Variants in TPST2 observed in about 807,000 individuals in gnomAD.
The protein encoded by TPST2 is tyrosylprotein sulfotransferase 2.
TPST2 carries 16 observed loss-of-function variants against 27.8 expected under a neutral mutation model. The observed-to-expected ratio is 0.58, with a 90% CI of 0.39 to 0.88. The LOEUF (loss-of-function observed/expected upper bound fraction) is 0.88. Among genes scored for constraint, TPST2 ranks in the 40% least tolerant of loss-of-function variants. The pLI is 0.00. For synonymous variants in TPST2, 229 were observed against 231.7 expected, an observed-to-expected ratio of 0.99 and a Z score of 0.10; for missense variants, 464 against 543.1, an observed-to-expected ratio of 0.85 and a Z score of 1.45.
chr22:26,568,472 A>G (rs1387823079), intron 1 of TPST2, among the ~76,000 whole-genome samples: 1 of 152,088 alleles, frequency 6.6e-6, no homozygotes, highest in East Asian at 1.9e-4. Context: ...GGTCGTAAAG[A>G]CCCCATTAAT....
At chr22:26,585,366 T>G (rs1420732958) in intron 1 of TPST2, among the ~76,000 whole-genome samples, 2 of 152,060 alleles carry the variant, frequency 1.3e-5, no homozygotes, top group Non-Finnish European at 2.9e-5. Flanking sequence ...TCTGAGGTCC[T>G]TCCCTGCAAT....
intron 3 of TPST2, among the ~76,000 whole-genome samples, chr22:26,539,763 T>C (rs558517632): frequency 6.6e-6 from 1 of 152,016 alleles, no homozygotes; most frequent in Non-Finnish European, 1.5e-5. Flanking sequence ...AGTGAAACCC[T>C]GTCTCAAAAA....
intron 5 of TPST2, among the ~76,000 whole-genome samples, chr22:26,529,520 G>A (rs908262495): frequency 6.6e-6 from 1 of 152,152 alleles, no homozygotes; most frequent in African/African-American, 2.4e-5. Flanking sequence ...CTAGGAGCTG[G>A]AGATTGGGCA....
chr22:26,577,507 C>T (rs912896601), intron 1 of TPST2, among the ~76,000 whole-genome samples: 5 of 151,738 alleles, frequency 3.3e-5, no homozygotes, highest in Admixed American at 2.6e-4. Context: ...GCCACCATGC[C>T]CAGCTAATTT....
Position 26,540,937 on chromosome 22 carries a change from TCTC to T in TPST2, c.691_693del (p.Glu231del), listed in dbSNP as rs1412009345. ...TGCTCGTAGTACACAGGCAGGCACT[TCTC>T]CTTGCCTACCTCCATGCACTGGGCG... On this transcript the variant is annotated inframe_deletion, in exon 3 of 7. Coordinates refer to ENST00000338754, the MANE Select transcript of TPST2 (RefSeq NM_003595.5). 1.4e-5 allele frequency: 22 copies of T among 1,613,666 alleles called. No homozygotes were observed. The highest frequency in any genetic ancestry group is 1.6e-4 in the Middle Eastern group (1 of 6,062).
intron 1 of TPST2, among the ~76,000 whole-genome samples, chr22:26,559,552 A>AC (rs1014537957): frequency 1.3e-5 from 2 of 151,810 alleles, no homozygotes; most frequent in Non-Finnish European, 2.9e-5. Context: ...TCAAACTGTA[A>AC]CCCCCTTCTC....
At chr22:26,538,620 G>A (rs893981064) in intron 3 of TPST2, among the ~76,000 whole-genome samples, 3 of 152,194 alleles carry the variant, frequency 2.0e-5, no homozygotes, top group East Asian at 1.9e-4. Context: ...TCACGAGTTC[G>A]AGACCAGCCT....
At chr22:26,550,510 A>G in intron 1 of TPST2, 2 of 876,846 alleles carry the variant, frequency 2.3e-6, no homozygotes, top group Non-Finnish European at 2.7e-6. Context: ...TTCCCAAGAG[A>G]AAAGCGGCAG....
chr22:26,549,827 G>A lies in TPST2; in HGVS notation c.-160-5152C>T, dbSNP rs530892038. The stretch of plus-strand genomic sequence containing the variant: ...AGGTGGATCACGAAGTCAGGAGATC[G>A]AGACCATCCTGGCTAACACGGTGAA... On this transcript the variant is annotated intron_variant, in intron 1 of 6. Coordinates refer to ENST00000338754, the MANE Select transcript of TPST2 (RefSeq NM_003595.5). Among the ~76,000 whole-genome samples the A allele has an allele frequency of 2.3e-3, 330 of 145,962 alleles. 2 individuals carry two copies. Among genetic ancestry groups the A allele is most frequent in the African/African-American group, 7.7e-3 (304 of 39,280 alleles).
At chr22:26,578,288 G>A (rs575257960) in intron 1 of TPST2, among the ~76,000 whole-genome samples, 1 of 152,274 alleles carries the variant, frequency 6.6e-6, no homozygotes, top group South Asian at 2.1e-4. Context: ...GCGCCCGTGT[G>A]CTTCGTCTGC....
intron 1 of TPST2, among the ~76,000 whole-genome samples, chr22:26,589,726 C>G (rs1050159097): frequency 1.3e-5 from 2 of 152,200 alleles, no homozygotes; most frequent in Non-Finnish European, 2.9e-5. Context: ...GCCCTCCCCC[C>G]CAGTCCCCCC....
chr22:26,553,662 GT>G (rs1926620148), intron 1 of TPST2, among the ~76,000 whole-genome samples: 1 of 135,288 alleles, frequency 7.4e-6, no homozygotes, highest in African/African-American at 2.8e-5. Context: ...CTGGCTGGCA[GT>G]TTTATATACA....
intron 1 of TPST2, among the ~76,000 whole-genome samples, chr22:26,544,932 G>A (rs973216767): frequency 3.9e-5 from 6 of 152,282 alleles, no homozygotes; most frequent in East Asian, 3.9e-4. Context: ...CTAAGGCGCC[G>A]CTGCCTTAGG....
intron 3 of TPST2, among the ~76,000 whole-genome samples, chr22:26,538,331 T>A (rs1294628228): frequency 6.6e-6 from 1 of 152,238 alleles, no homozygotes; most frequent in Non-Finnish European, 1.5e-5. Flanking sequence ...ATCTTGAGTA[T>A]GTGCATGGCT....
chr22:26,540,984 T>C lies in TPST2; in HGVS notation c.647A>G (p.Lys216Arg), dbSNP rs550831870. Reference protein sequence around the residue: ...SYRDCLTKWNKAIEVMYAQCM... With the variant: ...SYRDCLTKWNRAIEVMYAQCM... ...CTGGGCGTACATCACCTCGATGGCC[T>C]TGTTCCACTTGGTGAGGCAGTCACG... The change falls in exon 3 of 7, where the codon AAG becomes AGG. Residue 216 changes from lysine (K) to arginine (R), a missense_variant. Lys to Arg is a conservative substitution (Grantham distance 26). Coordinates refer to ENST00000338754, the MANE Select transcript of TPST2 (RefSeq NM_003595.5). 2 of 1,614,204 alleles carry C rather than the reference T, an allele frequency of 1.2e-6. No homozygotes were observed. The highest frequency in any genetic ancestry group is 1.1e-5 in the South Asian group (1 of 91,086).
chr22:26,528,472 A>G (rs900652284), intron 5 of TPST2, among the ~76,000 whole-genome samples: 4 of 152,236 alleles, frequency 2.6e-5, no homozygotes, highest in African/African-American at 9.6e-5. Context: ...CGAGTTGAAG[A>G]AAAAGCCTAC....
chr22:26,575,670 C>T (rs538412874), intron 1 of TPST2, among the ~76,000 whole-genome samples: 8 of 152,288 alleles, frequency 5.3e-5, no homozygotes, highest in South Asian at 4.1e-4. Context: ...CACAAAAACC[C>T]GCTGCTGTAA....
rs147850085 is a variant in TPST2, at chr22:26,578,482, G to A, written c.-161+11571C>T. On this transcript the variant is annotated intron_variant, in intron 1 of 6. Transcript: ENST00000338754. The stretch of plus-strand genomic sequence containing the variant: ...ATCCACGGTGAGGTCAGCAACCTCC[G>A]ACCCTGCAAACCTGACCACGCTCTG... 3.9e-5 allele frequency among the ~76,000 whole-genome samples: 6 copies of A among 152,246 alleles called. No individual in the cohort carries two copies. The East Asian group carries it at 7.7e-4, about 20-fold the overall frequency.
At chr22:26,574,671 A>G (rs1927761732) in intron 1 of TPST2, among the ~76,000 whole-genome samples, 1 of 152,084 alleles carries the variant, frequency 6.6e-6, no homozygotes, top group African/African-American at 2.4e-5. Context: ...CTAAGTAGAG[A>G]GGGTCTCAGA....
Sources: allele counts gnomAD v4.1 joint callset (sites outside exome capture counted in the v4.1 genomes callset), GRCh38; gene constraint gnomAD v4.1.1; transcripts MANE v1.5; gene names NCBI Gene and HGNC (gene_info 2026-07-23, HGNC 2026-07-21).